CNTN5: variants seen among roughly 807,000 people sequenced by gnomAD.
CNTN5 encodes the protein contactin-5.
A neutral mutation model predicts 129.1 loss-of-function variants in CNTN5; 77 were observed. The observed-to-expected ratio is 0.60, with a 90% CI of 0.50 to 0.72. The LOEUF (loss-of-function observed/expected upper bound fraction) is 0.72, where lower values mean the gene tolerates loss of function less well. Ranked by LOEUF, CNTN5 falls within the 30% of genes least tolerant of loss-of-function variation. CNTN5 has a pLI of 0.00. For synonymous variants in CNTN5, 509 were observed against 465.6 expected (o/e 1.09, Z -1.20); for missense variants, 1,478 against 1,328.8 (o/e 1.11, Z -1.75).
chr11:100,006,513 A>C (rs4754658), intron 9 of CNTN5, among the ~76,000 whole-genome samples: 15 of 151,938 alleles, frequency 9.9e-5, no homozygotes, highest in African/African-American at 3.6e-4. Context: ...GACTACACTA[A>C]CTCAAGAAAC....
intron 1 of CNTN5, among the ~76,000 whole-genome samples, chr11:99,250,870 C>T (rs1044935348): frequency 6.6e-6 from 1 of 151,894 alleles, no homozygotes; most frequent in East Asian, 1.9e-4. Context: ...TCTTAAATGT[C>T]TAATTTTCTA....
chr11:99,157,204 C>G (rs1290271283), intron 1 of CNTN5, among the ~76,000 whole-genome samples: 1 of 151,860 alleles, frequency 6.6e-6, no homozygotes, highest in Non-Finnish European at 1.5e-5. Context: ...GGTGCACCTT[C>G]AAGATAGAGA....
intron 3 of CNTN5, among the ~76,000 whole-genome samples, chr11:99,711,952 G>T (rs543190317): frequency 6.6e-6 from 1 of 152,132 alleles, no homozygotes; most frequent in African/African-American, 2.4e-5. Flanking sequence ...ATGTGTGCAT[G>T]TGTCTTTATG....
Position 100,074,235 on chromosome 11 carries a change from C to T in CNTN5, c.1521C>T (p.Gly507=), listed in dbSNP as rs1333830088. 4 of 1,611,244 alleles carry T rather than the reference C, an allele frequency of 2.5e-6. No homozygotes were observed. The highest frequency in any genetic ancestry group is 2.7e-5 in the African/African-American group (2 of 74,870). The change falls in exon 13 of 25, where the codon GGC becomes GGT. Residue 507 remains glycine, a synonymous_variant. Coordinates refer to ENST00000524871, the MANE Select transcript of CNTN5 (RefSeq NM_014361.4). ...QEVVIECKPQ[G]SPKPTISWKK... ...TTGTCATAGAGTGCAAACCCCAAGG[C>T]TCTCCAAAACCAACCATCTCTTGGA...
chr11:99,498,567 T>C (rs2726371), intron 2 of CNTN5, among the ~76,000 whole-genome samples: 149,692 of 152,266 alleles, frequency 0.98, 73,644 homozygotes, highest in East Asian at 1. Flanking sequence ...ATTTCCTCCC[T>C]ACTCCCACCC....
intron 4 of CNTN5, among the ~76,000 whole-genome samples, 185 bp downstream of exon 4, chr11:99,819,950 G>C (rs542722524): frequency 6.6e-6 from 1 of 152,324 alleles, no homozygotes; most frequent in African/African-American, 2.4e-5. Context: ...GAGGATGTTA[G>C]GGGAGATACT....
chr11:99,392,854 A>C (rs1941333508), intron 2 of CNTN5, among the ~76,000 whole-genome samples: 1 of 151,908 alleles, frequency 6.6e-6, no homozygotes, highest in Non-Finnish European at 1.5e-5. Context: ...AATGTTGTAG[A>C]CCAAACAACA....
At chr11:99,874,055 C>G (rs1948572651) in intron 6 of CNTN5, among the ~76,000 whole-genome samples, 1 of 151,974 alleles carries the variant, frequency 6.6e-6, no homozygotes, top group African/African-American at 2.4e-5. Flanking sequence ...GCTCTGGGAA[C>G]TCTGAAAGAG....
intron 3 of CNTN5, among the ~76,000 whole-genome samples, chr11:99,795,836 C>A (rs907629498): frequency 2.0e-5 from 3 of 151,990 alleles, no homozygotes; most frequent in African/African-American, 4.8e-5. Flanking sequence ...GTTATCTGAT[C>A]CATTGAGGTT....
chr11:100,294,910 G>C (rs1951071137), intron 18 of CNTN5, among the ~76,000 whole-genome samples: 2 of 151,548 alleles, frequency 1.3e-5, no homozygotes, highest in Admixed American at 6.6e-5. Flanking sequence ...AATGTACATG[G>C]GTTTCGCTGA....
intron 2 of CNTN5, among the ~76,000 whole-genome samples, chr11:99,343,624 T>A (rs574917584): frequency 6.6e-6 from 1 of 152,202 alleles, no homozygotes; most frequent in Non-Finnish European, 1.5e-5. Flanking sequence ...ATCTATACCT[T>A]CTAATATGTA....
At chr11:100,275,435 T>C (rs376727514) in intron 18 of CNTN5, among the ~76,000 whole-genome samples, 7 of 152,368 alleles carry the variant, frequency 4.6e-5, no homozygotes, top group African/African-American at 1.7e-4. Context: ...TTGCATATTG[T>C]TAATTGTGTT....
At chr11:99,856,221 C>A (rs543091562) in intron 6 of CNTN5, among the ~76,000 whole-genome samples, 12 of 152,306 alleles carry the variant, frequency 7.9e-5, no homozygotes, top group African/African-American at 2.2e-4. Flanking sequence ...AGGGCTACAG[C>A]TGGAATTTCT....
intron 1 of CNTN5, among the ~76,000 whole-genome samples, chr11:99,030,560 T>C (rs868829951): frequency 4.6e-5 from 7 of 152,166 alleles, no homozygotes; most frequent in Middle Eastern, 3.2e-3. Flanking sequence ...TACAAAATTA[T>C]TTAGAGCATA....
chr11:100,193,450 G>C, intron 14 of CNTN5, 38 bp from the exon 15 acceptor site: 1 of 1,270,024 alleles, frequency 7.9e-7, no homozygotes, highest in Non-Finnish European at 1.1e-6. Context: ...TAACACAACA[G>C]GTTGATTATC....
intron 1 of CNTN5, among the ~76,000 whole-genome samples, chr11:99,114,993 A>G (rs1233668322): frequency 2.0e-5 from 3 of 152,158 alleles, no homozygotes; most frequent in African/African-American, 7.2e-5. Context: ...AAGAGGCTCA[A>G]GAGAGCTCCC....
chr11:100,234,789 AT>A (rs533128315), intron 16 of CNTN5, among the ~76,000 whole-genome samples: 12 of 126,816 alleles, frequency 9.5e-5, no homozygotes, highest in African/African-American at 3.2e-4. Context: ...GTATCCCAGA[AT>A]TTAAAAAAAA....
intron 1 of CNTN5, among the ~76,000 whole-genome samples, chr11:99,252,181 G>C (rs1416544346): frequency 1.3e-5 from 2 of 151,588 alleles, no homozygotes; most frequent in African/African-American, 4.8e-5. Flanking sequence ...TTTGTTTAGG[G>C]GCCATTCATG....
chr11:100,341,434 A>G (rs767327368), intron 23 of CNTN5, among the ~76,000 whole-genome samples: 1 of 152,216 alleles, frequency 6.6e-6, no homozygotes, highest in South Asian at 2.1e-4. Context: ...AAAAGTAGCG[A>G]CAATCTGAAT....
Sources: gnomAD v4.1 joint callset for allele counts (sites outside exome capture counted in the v4.1 genomes callset) on GRCh38, gnomAD v4.1.1 for gene constraint, MANE v1.5 for transcripts, NCBI Gene and HGNC (gene_info 2026-07-23, HGNC 2026-07-21) for gene names.